Variants in PHAF1 observed in about 807,000 individuals in gnomAD.
The protein encoded by PHAF1 is phagosome assembly factor 1.
In PHAF1, 23 loss-of-function variants were observed where a neutral mutation model predicts 63.1. The observed-to-expected ratio is 0.36, with a 90% confidence interval of 0.26 to 0.52. The LOEUF (loss-of-function observed/expected upper bound fraction) is 0.52, where lower values mean the gene tolerates loss of function less well. PHAF1 is among the 20% of genes least tolerant of loss of function. PHAF1 has a pLI of 0.93. For missense variants in PHAF1, 427 were observed against 517.2 expected (o/e 0.83, Z 1.69); for synonymous variants, 167 against 185.0 (o/e 0.90, Z 0.79).
intron 11 of PHAF1, 58 bp downstream of exon 11, chr16:67,144,434 A>G: frequency 1.6e-6 from 2 of 1,287,106 alleles, no homozygotes; most frequent in Non-Finnish European, 2.2e-6. Context: ...TGAAAACCCC[A>G]GGAAAGAGCT....
intron 1 of PHAF1, among the ~76,000 whole-genome samples, chr16:67,113,267 G>C (rs1962592039): frequency 6.6e-6 from 1 of 152,076 alleles, no homozygotes; most frequent in African/African-American, 2.4e-5. Context: ...CTGCATCCTG[G>C]CAGCTCCTTG....
chr16:67,138,927 GT>G (rs978229215), intron 8 of PHAF1, among the ~76,000 whole-genome samples: 1 of 151,202 alleles, frequency 6.6e-6, no homozygotes, highest in African/African-American at 2.4e-5. Context: ...TACTTTTGTA[GT>G]TTTTTTTTAA....
Position 67,146,323 on chromosome 16 carries a change from C to T in PHAF1, c.1155C>T (p.Cys385=). The change falls in exon 15 of 16, where the codon TGC becomes TGT. Residue 385 remains cysteine (C), a synonymous_variant. Transcript: ENST00000219139. ...NNTNPFGSTF[C]FGLQRMIFEV... ...CCAACCCATTTGGTTCCACATTCTG[C>T]TTTGGTCTTCAGCGAATGATCTTTG... 6.2e-7 allele frequency: 1 copy of T among 1,614,170 alleles called. No individual in the cohort carries two copies. Among genetic ancestry groups the T allele is most frequent in the Non-Finnish European group, 8.5e-7 (1 of 1,179,994 alleles).
At chr16:67,118,587 G>C (rs1189386927) in intron 1 of PHAF1, among the ~76,000 whole-genome samples, 2 of 151,206 alleles carry the variant, frequency 1.3e-5, no homozygotes, top group African/African-American at 4.9e-5. Context: ...TGCCCATCTC[G>C]GCCTCCCAAA....
chr16:67,145,257 T>A, intron 12 of PHAF1, 119 bp from the exon 13 acceptor site: 1 of 1,147,178 alleles, frequency 8.7e-7, no homozygotes, highest in South Asian at 1.4e-5. Context: ...AGCCTGTTAA[T>A]CCTCCCCATG....
chr16:67,146,722 A>G (rs976136410), intron 15 of PHAF1, among the ~76,000 whole-genome samples: 3 of 152,110 alleles, frequency 2.0e-5, no homozygotes, highest in Non-Finnish European at 4.4e-5. Context: ...ATTGTAGGGG[A>G]GTGAGTGGCT....
chr16:67,127,946 T>G (rs994832842), intron 3 of PHAF1, among the ~76,000 whole-genome samples: 1 of 152,196 alleles, frequency 6.6e-6, no homozygotes, highest in South Asian at 2.1e-4. Context: ...AATGAGAAGC[T>G]GGAAGTAACC....
At chr16:67,130,066 T>C (rs767443929) in intron 3 of PHAF1, among the ~76,000 whole-genome samples, 1 of 150,402 alleles carries the variant, frequency 6.6e-6, no homozygotes, top group Admixed American at 6.6e-5. Flanking sequence ...TTCTTTCTTT[T>C]GGAGGAGTCT....
Position 67,144,873 on chromosome 16 carries a change from G to C in PHAF1, c.1002G>C (p.Lys334Asn), listed in dbSNP as rs749708670. The C allele has an allele frequency of 4.3e-6, 7 of 1,613,942 alleles. No homozygotes were observed. In the Admixed American group the frequency reaches 1.2e-4, roughly 27 times the overall value. Residue 334 changes from lysine to asparagine, a missense_variant, in exon 12 of 16, where the codon AAG becomes AAC. Physicochemically the swap from Lys to Asn is moderately conservative, Grantham distance 94 (BLOSUM62 0). Transcript: ENST00000219139. Reference sequence around the variant, plus strand: ...AGTTCAAGATCCCACTAGCCATAAAGAAAGGTGAGTAGTGAAAGCTCTCAG... The same window carrying C: ...AGTTCAAGATCCCACTAGCCATAAACAAAGGTGAGTAGTGAAAGCTCTCAG... ...RCEFKIPLAI[K>N]KENADGQTET...
At chr16:67,132,781 C>G (rs1163210264) in intron 5 of PHAF1, 36 bp from the exon 6 acceptor site, 1 of 1,536,068 alleles carries the variant, frequency 6.5e-7, no homozygotes, top group Non-Finnish European at 9.0e-7. Context: ...AGATGCCAGT[C>G]AACCATGTTA....
At chr16:67,130,187 C>T (rs1156505744) in intron 3 of PHAF1, among the ~76,000 whole-genome samples, 2 of 151,848 alleles carry the variant, frequency 1.3e-5, no homozygotes, top group African/African-American at 4.8e-5. Context: ...GCTGGGACTA[C>T]AGGCGCCCAC....
In PHAF1 at chr16:67,110,154, C is replaced by T. The variant is rs760432227; in HGVS notation, c.-22C>T. On this transcript the variant is annotated 5_prime_UTR_variant, in exon 1 of 16. Transcript: ENST00000219139. ...TTCTGCGCTGCCGCAGGGAGGCCGC[C>T]CGGGCCAGGCGAGCCGAACCAATGC... The T allele has an allele frequency of 6.4e-7, 1 of 1,550,596 alleles. No homozygotes were observed.
intron 15 of PHAF1, among the ~76,000 whole-genome samples, chr16:67,146,660 TG>T (rs2030112838): frequency 6.6e-6 from 1 of 152,154 alleles, no homozygotes; most frequent in South Asian, 2.1e-4. Flanking sequence ...ACAGGGCAAG[TG>T]GGGCCCAGCA....
At chr16:67,116,334 G>C (rs1962730496) in intron 1 of PHAF1, among the ~76,000 whole-genome samples, 1 of 152,208 alleles carries the variant, frequency 6.6e-6, no homozygotes. Context: ...GATGAGGGTA[G>C]AATCAGATTG....
intron 12 of PHAF1, 93 bp downstream of exon 12, chr16:67,144,970 G>T (rs1007712410): frequency 1.4e-5 from 20 of 1,470,084 alleles, no homozygotes; most frequent in Middle Eastern, 1.7e-4. Context: ...GGTTGGATGT[G>T]TGGAGCTTCT....
chr16:67,144,700 C>T, intron 11 of PHAF1, 134 bp from the exon 12 acceptor site: 1 of 1,022,324 alleles, frequency 9.8e-7, no homozygotes, highest in Admixed American at 2.1e-5. Flanking sequence ...CCCCAGTGAA[C>T]ACTGTCAGGC....
chr16:67,117,292 G>A (rs1268329144), intron 1 of PHAF1, among the ~76,000 whole-genome samples: 1 of 143,050 alleles, frequency 7.0e-6, no homozygotes, highest in Non-Finnish European at 1.5e-5. Context: ...CTCGTGATCC[G>A]CCTGCCTCGG....
At chr16:67,123,088 C>CTT (rs150061453) in intron 2 of PHAF1, among the ~76,000 whole-genome samples, 43 of 136,610 alleles carry the variant, frequency 3.1e-4, no homozygotes, top group Middle Eastern at 3.8e-3. Flanking sequence ...TGATCTGATG[C>CTT]TTTTTTTTTT....
intron 2 of PHAF1, among the ~76,000 whole-genome samples, chr16:67,123,652 C>A (rs1481903100): frequency 1.3e-5 from 2 of 152,148 alleles, no homozygotes; most frequent in Non-Finnish European, 2.9e-5. Flanking sequence ...AAGCATTCCG[C>A]CTGCCACGAC....
Sources: gnomAD v4.1 joint callset for allele counts (sites outside exome capture counted in the v4.1 genomes callset) on GRCh38, gnomAD v4.1.1 for gene constraint, MANE v1.5 for transcripts, NCBI Gene and HGNC (gene_info 2026-07-23, HGNC 2026-07-21) for gene names.